Variants in MPP7 observed in about 807,000 individuals in gnomAD.
The protein encoded by MPP7 is MAGUK p55 scaffold protein 7.
Under a neutral mutation model 76.5 loss-of-function variants are expected in MPP7, and 60 were observed. The ratio of observed to expected loss-of-function variants is 0.78; its 90% CI spans 0.64 to 0.97. MPP7 has a LOEUF of 0.97. Among genes scored for constraint, MPP7 ranks in the 50% least tolerant of loss-of-function variants. The pLI is 0.00. For missense variants in MPP7, 641 were observed against 694.0 expected (o/e 0.92, Z 0.86); for synonymous variants, 237 against 244.5 (o/e 0.97, Z 0.29).
intron 11 of MPP7, among the ~76,000 whole-genome samples, chr10:28,103,312 G>T: frequency 6.6e-6 from 1 of 150,482 alleles, no homozygotes; most frequent in East Asian, 2.0e-4. Flanking sequence ...TCCTGTCTCG[G>T]GGCCTTTGTA....
intron 1 of MPP7, among the ~76,000 whole-genome samples, chr10:28,298,737 A>G (rs2133149322): frequency 6.6e-6 from 1 of 152,330 alleles, no homozygotes; most frequent in Non-Finnish European, 1.5e-5. Flanking sequence ...TCTTCTTCCA[A>G]TATAAGGCTG....
intron 13 of MPP7, among the ~76,000 whole-genome samples, chr10:28,064,696 C>T (rs1293908640): frequency 6.6e-6 from 1 of 152,128 alleles, no homozygotes; most frequent in Non-Finnish European, 1.5e-5. Context: ...TAAGTTATAT[C>T]CCAAAGCTTA....
intron 3 of MPP7, among the ~76,000 whole-genome samples, chr10:28,177,945 C>G: frequency 6.6e-6 from 1 of 152,122 alleles, no homozygotes. Flanking sequence ...AAGGCCCAGG[C>G]AGCAGATTCC....
At position 28,120,242 on chromosome 10, in the gene MPP7, T is replaced by G; in HGVS notation, c.839A>C (p.Asp280Ala). Residue 280 changes from aspartate (D) to alanine (A), a missense_variant, in exon 10 of 17, where the codon GAT (aspartate) becomes GCT (alanine). Physicochemically the swap from Asp to Ala is moderately radical, Grantham distance 126. Transcript: ENST00000683449. Reference sequence around the variant, plus strand: ...GATCAAGCCTGCCCTGGGGTTGGCATCAGCTTCGTGTTTCGCTTGCCACCA... The same window carrying G: ...GATCAAGCCTGCCCTGGGGTTGGCAGCAGCTTCGTGTTTCGCTTGCCACCA... ...ATWWQAKHEA[D>A]ANPRAGLIPS... 2 of 1,614,048 alleles carry G rather than the reference T, an allele frequency of 1.2e-6. No homozygotes were observed. Among genetic ancestry groups the G allele is most frequent in the Non-Finnish European group, 8.5e-7 (1 of 1,179,940 alleles).
chr10:28,315,261 GA>G (rs1435708212), intron 2 of MPP7, among the ~76,000 whole-genome samples: 1 of 141,032 alleles, frequency 7.1e-6, no homozygotes, highest in Non-Finnish European at 1.5e-5. Flanking sequence ...GGAAGGGAGG[GA>G]GGGAAAAGAA....
At chr10:28,326,170 C>G (rs78337254) in intron 2 of MPP7, among the ~76,000 whole-genome samples, 2 of 152,182 alleles carry the variant, frequency 1.3e-5, no homozygotes, top group South Asian at 2.1e-4. Context: ...TGCAGAGAAA[C>G]GTTTTTCAGG....
chr10:28,277,049 C>A (rs111299673), intron 1 of MPP7, among the ~76,000 whole-genome samples: 1 of 151,846 alleles, frequency 6.6e-6, no homozygotes, highest in Non-Finnish European at 1.5e-5. Context: ...AATTCATTAG[C>A]CTGGTTTGGT....
At chr10:28,315,428 G>A (rs1230141781) in intron 2 of MPP7, among the ~76,000 whole-genome samples, 3 of 152,104 alleles carry the variant, frequency 2.0e-5, no homozygotes, top group Non-Finnish European at 4.4e-5. Context: ...GTGTTTACCT[G>A]AAGCAGAGCG....
chr10:28,054,942 G>A (rs1231274210), intron 16 of MPP7, among the ~76,000 whole-genome samples: 2 of 152,140 alleles, frequency 1.3e-5, no homozygotes, highest in Admixed American at 6.5e-5. Flanking sequence ...GCCTCCCAAA[G>A]TGCTGGGATT....
intron 1 of MPP7, among the ~76,000 whole-genome samples, chr10:28,262,206 TACA>T (rs1564741206): frequency 1.2e-4 from 1 of 8,442 alleles, no homozygotes; most frequent in African/African-American, 2.4e-4. Context: ...TATATATATA[TACA>T]TATATATATA....
intron 2 of MPP7, among the ~76,000 whole-genome samples, chr10:28,325,026 G>A (rs1834398924): frequency 6.6e-6 from 1 of 152,128 alleles, no homozygotes; most frequent in Admixed American, 6.6e-5. Context: ...TCAAGTGGCT[G>A]GGACTACAGA....
At chr10:28,290,575 C>T (rs1438856616) in intron 1 of MPP7, among the ~76,000 whole-genome samples, 2 of 152,140 alleles carry the variant, frequency 1.3e-5, no homozygotes, top group Non-Finnish European at 2.9e-5. Context: ...CAGGTTCAAG[C>T]GATTCTCCTG....
Position 28,121,909 on chromosome 10 carries a change from T to G in MPP7, c.616-1241A>C, listed in dbSNP as rs1834854710. On this transcript the variant is annotated intron_variant, in intron 8 of 16. Transcript: ENST00000683449. ...TTTCAATTCACCAGCATGAAGTTGC[T>G]GAAAGCTGAGTTGGGAAATGGTGCA... is the stretch of plus-strand genomic sequence containing the variant. Among the ~76,000 whole-genome samples the G allele has an allele frequency of 2.0e-5, 3 of 152,140 alleles. 1 individual carries two copies. The highest frequency in any genetic ancestry group is 2.0e-4 in the Admixed American group (3 of 15,274).
chr10:28,219,247 TAAA>T (rs1838415723), intron 2 of MPP7, among the ~76,000 whole-genome samples: 1 of 152,148 alleles, frequency 6.6e-6, no homozygotes, highest in Non-Finnish European at 1.5e-5. Context: ...GGAAAAAATT[TAAA>T]AAATACAGAA....
At chr10:28,254,643 T>A (rs967257415) in intron 1 of MPP7, 2 of 152,210 alleles carry the variant, frequency 1.3e-5, no homozygotes, top group African/African-American at 4.8e-5. Flanking sequence ...ATAATGCAGA[T>A]AACCACAATA....
At chr10:28,123,977 T>C (rs370831091) in intron 8 of MPP7, 54 bp downstream of exon 8, 2 of 1,211,134 alleles carry the variant, frequency 1.7e-6, no homozygotes, top group African/African-American at 1.5e-5. Context: ...AAGTCTGAAA[T>C]ACAGTGATTC....
At chr10:28,224,763 T>A (rs1020396283) in intron 2 of MPP7, among the ~76,000 whole-genome samples, 27 of 152,126 alleles carry the variant, frequency 1.8e-4, no homozygotes, top group Admixed American at 1.6e-3. Context: ...ACAGCATGAA[T>A]CTATCTGTGT....
intron 3 of MPP7, 73 bp downstream of exon 3, chr10:28,202,080 G>A (rs1588917655): frequency 2.9e-6 from 3 of 1,018,020 alleles, no homozygotes; most frequent in East Asian, 2.4e-5. Flanking sequence ...TTGATCTCTG[G>A]TTTACTTGGT....
chr10:28,093,799 T>G (rs1391858760), intron 11 of MPP7, among the ~76,000 whole-genome samples: 1 of 152,188 alleles, frequency 6.6e-6, no homozygotes, highest in Non-Finnish European at 1.5e-5. Context: ...AAAGAGAAGG[T>G]AATCAGATCT....
Sources: gnomAD v4.1 joint callset for allele counts (sites outside exome capture counted in the v4.1 genomes callset) on GRCh38, gnomAD v4.1.1 for gene constraint, MANE v1.5 for transcripts, NCBI Gene and HGNC (gene_info 2026-07-23, HGNC 2026-07-21) for gene names.